The following SLC66A2 variants were observed in gnomAD, a reference collection of about 807,000 sequenced individuals.
SLC66A2 encodes PQ loop repeat containing 1.
Under a neutral mutation model 25.5 loss-of-function variants are expected in SLC66A2, and 23 were observed. The observed-to-expected ratio is 0.90, with a 90% CI of 0.65 to 1.28. The LOEUF (loss-of-function observed/expected upper bound fraction) is 1.28, where lower values mean the gene tolerates loss of function less well. Among genes scored for constraint, SLC66A2 ranks in the 50% most tolerant of loss-of-function variants. SLC66A2 has a pLI of 0.00. For synonymous variants in SLC66A2, 193 were observed against 166.5 expected (o/e 1.16, Z -1.23); for missense variants, 396 against 373.1 (o/e 1.06, Z -0.51).
At chr18:79,911,330 C>T (rs970147742) in intron 5 of SLC66A2, among the ~76,000 whole-genome samples, 9 of 152,260 alleles carry the variant, frequency 5.9e-5, no homozygotes, top group African/African-American at 1.2e-4. Context: ...AGGAGGCAGG[C>T]GGCTGGCCCA....
intron 3 of SLC66A2, among the ~76,000 whole-genome samples, chr18:79,934,272 T>C (rs988728715): frequency 3.9e-5 from 6 of 152,108 alleles, no homozygotes; most frequent in Admixed American, 6.5e-5. Context: ...GGGAGAAAAA[T>C]TGAGCCAAAA....
intron 5 of SLC66A2, among the ~76,000 whole-genome samples, chr18:79,914,386 G>A (rs1243285041): frequency 3.3e-5 from 5 of 152,198 alleles, no homozygotes; most frequent in Admixed American, 6.5e-5. Flanking sequence ...GGGATACCAC[G>A]ACGCCCCCAT....
chr18:79,925,232 G>A (rs563289375), intron 4 of SLC66A2, among the ~76,000 whole-genome samples: 1 of 152,298 alleles, frequency 6.6e-6, no homozygotes, highest in South Asian at 2.1e-4. Flanking sequence ...AAAGCAGCCA[G>A]GCCCCCGCAC....
intron 5 of SLC66A2, among the ~76,000 whole-genome samples, chr18:79,916,141 C>T (rs12966071): frequency 8.7e-6 from 1 of 114,332 alleles, no homozygotes; most frequent in South Asian, 3.4e-4. Flanking sequence ...ACGGTGCTCC[C>T]GTACCCGCGG....
In SLC66A2 at chr18:79,950,950, T is replaced by C; in HGVS notation, c.-24A>G. On this transcript the variant is annotated 5_prime_UTR_variant, in exon 2 of 6. Coordinates refer to ENST00000397778, the MANE Select transcript of SLC66A2 (RefSeq NM_025078.5). ...ATCGCAGCGCCCGCCTGGCCGAGGC[T>C]GTCACGGGCTCCGCGCCCCGCGGGC... is the stretch of plus-strand genomic sequence containing the variant. 6.7e-7 allele frequency: 1 copy of C among 1,495,930 alleles called. No individual in the cohort carries two copies. Among genetic ancestry groups the C allele is most frequent in the Non-Finnish European group, 8.9e-7 (1 of 1,119,510 alleles). 92.7% of individuals were successfully genotyped at this position (1,495,930 alleles called of 1,614,324 possible).
chr18:79,934,612 G>A (rs1986898574), intron 3 of SLC66A2, among the ~76,000 whole-genome samples: 1 of 152,204 alleles, frequency 6.6e-6, no homozygotes, highest in Admixed American at 6.5e-5. Context: ...CACTGGCAAT[G>A]ACAGGTTATA....
intron 5 of SLC66A2, among the ~76,000 whole-genome samples, chr18:79,907,368 T>C (rs1218719410): frequency 2.1e-5 from 3 of 145,332 alleles, no homozygotes; most frequent in African/African-American, 7.6e-5. Context: ...TTTTTTTTTT[T>C]TGAGAAGGAG....
chr18:79,913,695 CTACGAGATCA>C (rs946054751), intron 5 of SLC66A2, among the ~76,000 whole-genome samples: 2 of 152,158 alleles, frequency 1.3e-5, no homozygotes, highest in African/African-American at 4.8e-5. Flanking sequence ...AGCAGGGCTG[CTACGAGATCA>C]ACTCGGGAAT....
At chr18:79,945,980 A>G (rs903030282) in intron 2 of SLC66A2, among the ~76,000 whole-genome samples, 1 of 152,220 alleles carries the variant, frequency 6.6e-6, no homozygotes, top group Non-Finnish European at 1.5e-5. Context: ...CACCACGTTC[A>G]CCTCCAGCAA....
chr18:79,905,694 C>T (rs972098425), intron 5 of SLC66A2, among the ~76,000 whole-genome samples: 8 of 152,256 alleles, frequency 5.3e-5, no homozygotes, highest in East Asian at 3.8e-4. Flanking sequence ...CCCTCACACA[C>T]GGCTGAGATT....
intron 4 of SLC66A2, among the ~76,000 whole-genome samples, chr18:79,923,280 CGGGTGGTGGACAGGT>C (rs1985510947): frequency 1.1e-5 from 1 of 93,108 alleles, no homozygotes; most frequent in Non-Finnish European, 2.2e-5. Context: ...CATGGACAGG[CGGGTGGTGGACAGGT>C]GGGTGGTGGA....
intron 3 of SLC66A2, among the ~76,000 whole-genome samples, chr18:79,943,056 G>A (rs1180553165): frequency 6.6e-6 from 1 of 152,224 alleles, no homozygotes; most frequent in Non-Finnish European, 1.5e-5. Flanking sequence ...GAAAGCGTCT[G>A]GGATGGCGCT....
chr18:79,950,640 C>T lies in SLC66A2; in HGVS notation c.203+84G>A, dbSNP rs953021162. 8 of 1,399,826 alleles carry T rather than the reference C, an allele frequency of 5.7e-6. No individual in the cohort carries two copies. In the Admixed American group the frequency reaches 7.2e-5, roughly 13 times the overall value. 86.7% of individuals were successfully genotyped at this position (1,399,826 alleles called of 1,614,324 possible). ...GCCCAGCAGGGAGGTGTGGACCCTG[C>T]TGCTCCCCCGGCCTCAACCAGAAAC... is the stretch of plus-strand genomic sequence containing the variant. On this transcript the variant is annotated intron_variant, in intron 2 of 5. Transcript: ENST00000397778.
At chr18:79,950,690 G>A (rs1568346137) in intron 2 of SLC66A2, 34 bp downstream of exon 2, 11 of 1,606,412 alleles carry the variant, frequency 6.8e-6, no homozygotes, top group Non-Finnish European at 9.4e-6. Context: ...CCTCTTCTCC[G>A]GGTGCAGCCC....
intron 1 of SLC66A2, 115 bp from the exon 2 acceptor site, chr18:79,951,140 G>T (rs947154938): frequency 2.8e-5 from 7 of 249,426 alleles, no homozygotes; most frequent in African/African-American, 1.4e-4. Flanking sequence ...GGCGACCGGG[G>T]CCCGGGGCGC....
chr18:79,922,896 G>T (rs1186062387), intron 4 of SLC66A2, among the ~76,000 whole-genome samples: 1 of 149,114 alleles, frequency 6.7e-6, no homozygotes, highest in Non-Finnish European at 1.5e-5. Flanking sequence ...GAGGCCAGGG[G>T]TGTCGGGGGC....
Position 79,943,204 on chromosome 18 carries a change from A to G in SLC66A2, c.337+125T>C, listed in dbSNP as rs561460395. On this transcript the variant is annotated intron_variant, in intron 3 of 5. Transcript: ENST00000397778. Reference sequence around the variant, plus strand: ...ATACTGAAAACACTATCAGCTGGAGATAACAGCACCACTTGGTGAAATGAA... The same window carrying G: ...ATACTGAAAACACTATCAGCTGGAGGTAACAGCACCACTTGGTGAAATGAA... The G allele has an allele frequency of 2.5e-6, 3 of 1,185,598 alleles. No individual in the cohort carries two copies. The African/African-American group carries it at 4.6e-5, about 18-fold the overall frequency. 73.4% of individuals were successfully genotyped at this position (1,185,598 alleles called of 1,614,324 possible). A position where few individuals can be genotyped will look rare whatever the true frequency, so the allele number is the denominator to read the frequency against.
Position 79,941,208 on chromosome 18 carries a change from T to G in SLC66A2, c.337+2121A>C, listed in dbSNP as rs1270770447. Reference sequence around the variant, plus strand: ...ACAGGCAGAACTCAGCTCCCCGTGGTCGGGGGCTCTGCTGCCTGTAAAGCG... The same window carrying G: ...ACAGGCAGAACTCAGCTCCCCGTGGGCGGGGGCTCTGCTGCCTGTAAAGCG... On this transcript the variant is annotated intron_variant, in intron 3 of 5. Coordinates refer to ENST00000397778, the MANE Select transcript of SLC66A2 (RefSeq NM_025078.5). The surrounding 1 kb of genome is among the most constrained non-coding windows in gnomAD (Gnocchi z 4.1). Among the ~76,000 whole-genome samples the G allele has an allele frequency of 1.3e-5, 2 of 152,154 alleles. No individual in the cohort carries two copies. The highest frequency in any genetic ancestry group is 2.4e-5 in the African/African-American group (1 of 41,418).
chr18:79,913,754 G>A (rs555114787), intron 5 of SLC66A2, among the ~76,000 whole-genome samples: 59 of 152,154 alleles, frequency 3.9e-4, no homozygotes, highest in East Asian at 1.5e-3. Flanking sequence ...AGAGACCTTC[G>A]GTTTAATGTG....
Sources: gnomAD v4.1 joint callset for allele counts (sites outside exome capture counted in the v4.1 genomes callset) on GRCh38, gnomAD v4.1.1 for gene constraint, Gnocchi (gnomAD v3.1) non-coding constraint, MANE v1.5 for transcripts, NCBI Gene and HGNC (gene_info 2026-07-23, HGNC 2026-07-21) for gene names.